The following PTPRT variants were observed in gnomAD, a reference collection of about 807,000 sequenced individuals.
The protein encoded by PTPRT is protein tyrosine phosphatase receptor type T.
Under a neutral mutation model 176.8 loss-of-function variants are expected in PTPRT, and 56 were observed. That is an observed-to-expected ratio of 0.32 (90% CI 0.26 to 0.40). The LOEUF (loss-of-function observed/expected upper bound fraction) is 0.40, where lower values mean the gene tolerates loss of function less well. Ranked by LOEUF, PTPRT falls within the 10% of genes least tolerant of loss-of-function variation. The pLI, the probability that PTPRT is intolerant of heterozygous loss-of-function variation, is 1.00. For missense variants in PTPRT, 1,540 were observed against 1,908.2 expected, an observed-to-expected ratio of 0.81 and a Z score of 3.60; for synonymous variants, 783 against 739.0, an observed-to-expected ratio of 1.06 and a Z score of -0.96.
At chr20:42,703,167 C>G (rs1052041654) in intron 6 of PTPRT, among the ~76,000 whole-genome samples, 2 of 152,102 alleles carry the variant, frequency 1.3e-5, no homozygotes, top group Admixed American at 1.3e-4. Context: ...CAGACTTCAT[C>G]TGACCATGTG....
intron 1 of PTPRT, among the ~76,000 whole-genome samples, chr20:43,173,888 C>T (rs1600771380): frequency 6.6e-6 from 1 of 152,220 alleles, no homozygotes; most frequent in East Asian, 1.9e-4. Context: ...TAACATTCGA[C>T]ATCACATGGT....
chr20:42,679,008 A>T (rs1309906325), intron 6 of PTPRT, among the ~76,000 whole-genome samples: 1 of 152,218 alleles, frequency 6.6e-6, no homozygotes, highest in African/African-American at 2.4e-5. Context: ...CAGCAGAGAA[A>T]GTCATGGGTC....
chr20:43,141,860 G>A (rs1572928), intron 1 of PTPRT, among the ~76,000 whole-genome samples: 139,294 of 152,170 alleles, frequency 0.92, 65,075 homozygotes, highest in East Asian at 1. Flanking sequence ...TCTAGTGCCC[G>A]TGGTTGAGTA....
At chr20:43,062,049 A>C (rs937411561) in intron 1 of PTPRT, among the ~76,000 whole-genome samples, 2 of 152,240 alleles carry the variant, frequency 1.3e-5, no homozygotes, top group Non-Finnish European at 2.9e-5. Context: ...AATCTAATCT[A>C]TAGTGACCAA....
intron 9 of PTPRT, among the ~76,000 whole-genome samples, chr20:42,406,059 C>T (rs1057120077): frequency 7.2e-5 from 11 of 151,850 alleles, no homozygotes; most frequent in Non-Finnish European, 1.2e-4. Flanking sequence ...CAATTTCATG[C>T]CAAAACACGT....
At chr20:43,149,741 A>G (rs1331361896) in intron 1 of PTPRT, among the ~76,000 whole-genome samples, 1 of 152,234 alleles carries the variant, frequency 6.6e-6, no homozygotes, top group East Asian at 1.9e-4. Flanking sequence ...TTCCTGCCGT[A>G]ACAGCATAAA....
chr20:42,422,110 G>A (rs1208461604), intron 9 of PTPRT, among the ~76,000 whole-genome samples: 1 of 152,094 alleles, frequency 6.6e-6, no homozygotes, highest in Non-Finnish European at 1.5e-5. Flanking sequence ...TCTGGATGAC[G>A]ACCTAACCAA....
chr20:42,201,256 C>T (rs13433136), intron 15 of PTPRT, among the ~76,000 whole-genome samples: 2,968 of 152,196 alleles, frequency 0.02, 96 homozygotes, highest in African/African-American at 0.067. Flanking sequence ...GCCGAGATCA[C>T]GCCTCTGCAC....
chr20:42,285,581 T>C (rs1343632691), intron 12 of PTPRT, among the ~76,000 whole-genome samples: 1 of 151,976 alleles, frequency 6.6e-6, no homozygotes, highest in Non-Finnish European at 1.5e-5. Flanking sequence ...TCCAGTGTTC[T>C]TTATAAAAGT....
intron 11 of PTPRT, among the ~76,000 whole-genome samples, chr20:42,336,143 G>T (rs2058036542): frequency 6.6e-6 from 1 of 152,044 alleles, no homozygotes. Flanking sequence ...TACTGTAAAA[G>T]AAGTAATATA....
intron 9 of PTPRT, among the ~76,000 whole-genome samples, chr20:42,410,619 T>C (rs573263114): frequency 1.3e-5 from 2 of 152,076 alleles, no homozygotes; most frequent in East Asian, 1.9e-4. Context: ...CAGCAAGATA[T>C]ACATTCTTTT....
At chr20:42,922,474 C>T (rs1223790808) in intron 1 of PTPRT, among the ~76,000 whole-genome samples, 3 of 152,218 alleles carry the variant, frequency 2.0e-5, no homozygotes, top group African/African-American at 2.4e-5. Flanking sequence ...GTTGATGTAT[C>T]GACCTGGATG....
At chr20:42,232,133 C>A (rs1414196386) in intron 15 of PTPRT, among the ~76,000 whole-genome samples, 2 of 152,178 alleles carry the variant, frequency 1.3e-5, no homozygotes, top group South Asian at 2.1e-4. Context: ...GAACCTTGTC[C>A]AATGCCTAGC....
chr20:42,547,937 A>T (rs1191175088), intron 7 of PTPRT, among the ~76,000 whole-genome samples: 1 of 152,082 alleles, frequency 6.6e-6, no homozygotes, highest in Non-Finnish European at 1.5e-5. Context: ...TCAATAAGTA[A>T]CTAAAAAACA....
intron 17 of PTPRT, among the ~76,000 whole-genome samples, chr20:42,144,340 T>A (rs929575848): frequency 9.9e-5 from 15 of 152,116 alleles, no homozygotes; most frequent in East Asian, 3.9e-4. Flanking sequence ...CACACTTTTT[T>A]AAAAACATGT....
chr20:42,432,252 G>T (rs1236223406), intron 9 of PTPRT, among the ~76,000 whole-genome samples: 1 of 152,112 alleles, frequency 6.6e-6, no homozygotes, highest in Non-Finnish European at 1.5e-5. Flanking sequence ...GCCCTTCCTG[G>T]GAGGCTGCTG....
intron 7 of PTPRT, among the ~76,000 whole-genome samples, chr20:42,573,226 G>T (rs574814164): frequency 2.6e-4 from 39 of 152,300 alleles, no homozygotes; most frequent in Admixed American, 5.2e-4. Context: ...GGGCCAGCAG[G>T]AAGGTCAAAG....
At chr20:42,422,369 C>A (rs1243961401) in intron 9 of PTPRT, among the ~76,000 whole-genome samples, 2 of 151,906 alleles carry the variant, frequency 1.3e-5, no homozygotes, top group Admixed American at 6.6e-5. Context: ...AGAAAAAAAA[C>A]CCATACAAAA....
chr20:42,453,720 G>C (rs1263203806), intron 8 of PTPRT, among the ~76,000 whole-genome samples: 1 of 149,024 alleles, frequency 6.7e-6, no homozygotes, highest in East Asian at 2.0e-4. Context: ...ACCCAGACTG[G>C]AGGGCAACAG....
Sources: gnomAD v4.1 joint callset for allele counts (sites outside exome capture counted in the v4.1 genomes callset) on GRCh38, gnomAD v4.1.1 for gene constraint, MANE v1.5 for transcripts, NCBI Gene and HGNC (gene_info 2026-07-23, HGNC 2026-07-21) for gene names.